Variants in PRKAR2A observed in about 807,000 individuals in gnomAD.
PRKAR2A encodes protein kinase cAMP-dependent type II regulatory subunit alpha.
Under a neutral mutation model 51.9 loss-of-function variants are expected in PRKAR2A, and 29 were observed. The ratio of observed to expected loss-of-function variants is 0.56; its 90% CI spans 0.42 to 0.76. The LOEUF (loss-of-function observed/expected upper bound fraction) is 0.76. Among genes scored for constraint, PRKAR2A ranks in the 30% least tolerant of loss-of-function variants. PRKAR2A has a pLI of 0.00. For synonymous variants in PRKAR2A, 178 were observed against 186.2 expected (o/e 0.96, Z 0.36); for missense variants, 445 against 512.1 (o/e 0.87, Z 1.26).
chr3:48,805,063 C>G (rs376113271), intron 2 of PRKAR2A, among the ~76,000 whole-genome samples: 1 of 151,954 alleles, frequency 6.6e-6, no homozygotes, highest in East Asian at 1.9e-4. Flanking sequence ...ATGTGTGCAC[C>G]ATCATGCCCA....
At chr3:48,790,223 C>T (rs1026668879) in intron 4 of PRKAR2A, among the ~76,000 whole-genome samples, 2 of 152,056 alleles carry the variant, frequency 1.3e-5, no homozygotes, top group African/African-American at 2.4e-5. Context: ...TCACACTACT[C>T]GGAATGGCAT....
chr3:48,775,313 C>A (rs2082090250), intron 5 of PRKAR2A, among the ~76,000 whole-genome samples: 1 of 151,610 alleles, frequency 6.6e-6, no homozygotes, highest in Non-Finnish European at 1.5e-5. Context: ...TAGCGGGTGC[C>A]TGTAATTCCA....
chr3:48,840,879 CTT>C (rs998914309), intron 1 of PRKAR2A, among the ~76,000 whole-genome samples: 8 of 100,752 alleles, frequency 7.9e-5, no homozygotes, highest in Admixed American at 4.3e-4. Flanking sequence ...CCTGGCCCAC[CTT>C]TTTTTTTTTT....
chr3:48,789,231 A>G (rs1463440705), intron 4 of PRKAR2A, among the ~76,000 whole-genome samples: 1 of 152,168 alleles, frequency 6.6e-6, no homozygotes, highest in Non-Finnish European at 1.5e-5. Flanking sequence ...AAAATACAGC[A>G]GTCCTCCCTT....
At chr3:48,812,974 T>C (rs1488115249) in intron 1 of PRKAR2A, among the ~76,000 whole-genome samples, 5 of 152,226 alleles carry the variant, frequency 3.3e-5, no homozygotes, top group Admixed American at 6.5e-5. Flanking sequence ...TCCGTACATA[T>C]TGAAGCACAA....
chr3:48,823,562 T>C (rs774945537), intron 1 of PRKAR2A, among the ~76,000 whole-genome samples: 1 of 151,968 alleles, frequency 6.6e-6, no homozygotes. Context: ...AAACCAAAAA[T>C]GTCATAAGAC....
At chr3:48,759,728 A>G (rs1156705613) in intron 8 of PRKAR2A, among the ~76,000 whole-genome samples, 1 of 152,140 alleles carries the variant, frequency 6.6e-6, no homozygotes, top group Non-Finnish European at 1.5e-5. Context: ...CTCTGTGTAC[A>G]CATCTCACAG....
intron 1 of PRKAR2A, among the ~76,000 whole-genome samples, chr3:48,845,207 T>A (rs1218991974): frequency 6.6e-6 from 1 of 152,178 alleles, no homozygotes; most frequent in Non-Finnish European, 1.5e-5. Flanking sequence ...CAAACAGGTT[T>A]GAGAATTTGT....
At chr3:48,826,190 C>T (rs921742318) in intron 1 of PRKAR2A, among the ~76,000 whole-genome samples, 9 of 152,062 alleles carry the variant, frequency 5.9e-5, no homozygotes, top group South Asian at 4.1e-4. Context: ...TGCCTGAGCC[C>T]GGGAGGTCAA....
rs1183869815 is a variant in PRKAR2A at position 48,847,585 on chromosome 3, G to A, written c.12C>T (p.Ile4=). The change falls in exon 1 of 11, where the codon ATC becomes ATT. Residue 4 remains isoleucine (I), a synonymous_variant. Transcript: ENST00000265563. The surrounding 1 kb of genome is among the most constrained non-coding windows in gnomAD (Gnocchi z 4.4). The part of the protein sequence containing the change: MSH[I]QIPPGLTELL... ...GCTCCGTGAGCCCCGGCGGGATCTGGATGTGGCTCATGCCGGCGGCGGCCG... is the reference window on the plus strand; with the variant it reads ...GCTCCGTGAGCCCCGGCGGGATCTGAATGTGGCTCATGCCGGCGGCGGCCG... The A allele has an allele frequency of 7.9e-6, 12 of 1,516,306 alleles. No individual in the cohort carries two copies. In the East Asian group the frequency reaches 1.2e-4, roughly 16 times the overall value. 93.9% of individuals were successfully genotyped at this position (1,516,306 alleles called of 1,614,324 possible).
chr3:48,763,258 T>A (rs1332265411), intron 8 of PRKAR2A, among the ~76,000 whole-genome samples: 1 of 152,164 alleles, frequency 6.6e-6, no homozygotes, highest in East Asian at 1.9e-4. Context: ...GGGACCTCAC[T>A]TTGAGAAGCC....
chr3:48,786,136 T>G (rs2082288053), intron 4 of PRKAR2A, among the ~76,000 whole-genome samples: 1 of 150,374 alleles, frequency 6.7e-6, no homozygotes, highest in African/African-American at 2.4e-5. Context: ...TTGTTTTTTT[T>G]TTTTTTGAGA....
At chr3:48,836,442 AAAGAAG>A (rs1559651329) in intron 1 of PRKAR2A, among the ~76,000 whole-genome samples, 1 of 129,064 alleles carries the variant, frequency 7.7e-6, no homozygotes, top group African/African-American at 3.1e-5. Context: ...AAAAAAAAAA[AAAGAAG>A]AAGAAAGCTT....
At chr3:48,782,915 G>T in intron 5 of PRKAR2A, 71 bp downstream of exon 5, 1 of 1,123,442 alleles carries the variant, frequency 8.9e-7, no homozygotes, top group Non-Finnish European at 1.3e-6. Flanking sequence ...TACAGAATAG[G>T]ATAAAGCATC....
intron 2 of PRKAR2A, among the ~76,000 whole-genome samples, chr3:48,800,869 T>C (rs1482435760): frequency 1.3e-5 from 2 of 151,928 alleles, no homozygotes; most frequent in African/African-American, 4.8e-5. Context: ...GAGACAGGGT[T>C]TCACCGTGTT....
chr3:48,807,658 G>T lies in PRKAR2A; in HGVS notation c.289C>A (p.Arg97=). The T allele has an allele frequency of 2.5e-6, 4 of 1,599,100 alleles. No individual in the cohort carries two copies. Among genetic ancestry groups the T allele is most frequent in the Non-Finnish European group, 3.4e-6 (4 of 1,167,422 alleles). ...GAAATAGAACACATACCTGATACTCGTCTATTAAATCTGCTAGGAACTGGA... is the reference window on the plus strand; with the variant it reads ...GAAATAGAACACATACCTGATACTCTTCTATTAAATCTGCTAGGAACTGGA... ...EVPVPSRFNR[R]VSVCAETYNP... is the part of the protein sequence containing the mutation. The change falls in exon 2 of 11, where the codon CGA becomes AGA. Residue 97 remains arginine, a synonymous_variant. Coordinates refer to ENST00000265563, the MANE Select transcript of PRKAR2A (RefSeq NM_004157.4).
In PRKAR2A at chr3:48,847,306, C is replaced by T. The variant is rs1559658665; in HGVS notation, c.262+29G>A. 1.2e-6 allele frequency: 2 copies of T among 1,611,288 alleles called. No individual in the cohort carries two copies. The highest frequency in any genetic ancestry group is 1.7e-5 in the Admixed American group (1 of 59,798). ...CTAGACCTCTGGAGACCTCCTGCAC[C>T]ACTCCCCAGGGCCCCGCCCACAGCC... is the stretch of plus-strand genomic sequence containing the variant. On this transcript the variant is annotated intron_variant, in intron 1 of 10. Transcript: ENST00000265563. This position sits in a 1 kb window ranked among gnomAD's most constrained non-coding sequence, Gnocchi z 4.4.
chr3:48,842,719 T>C (rs2083400247), intron 1 of PRKAR2A, among the ~76,000 whole-genome samples: 1 of 152,148 alleles, frequency 6.6e-6, no homozygotes, highest in African/African-American at 2.4e-5. Context: ...ATTACATTTA[T>C]TGATTTGCGT....
chr3:48,782,557 G>A (rs924785621), intron 5 of PRKAR2A, among the ~76,000 whole-genome samples: 21 of 152,008 alleles, frequency 1.4e-4, no homozygotes, highest in Non-Finnish European at 2.8e-4. Context: ...CTAGGTTCAA[G>A]TGATTCTCCA....
Sources: gnomAD v4.1 joint callset for allele counts (sites outside exome capture counted in the v4.1 genomes callset) on GRCh38, gnomAD v4.1.1 for gene constraint, Gnocchi (gnomAD v3.1) non-coding constraint, MANE v1.5 for transcripts, NCBI Gene and HGNC (gene_info 2026-07-23, HGNC 2026-07-21) for gene names.